The following TRIM2 variants were observed in gnomAD, a reference collection of about 807,000 sequenced individuals.
The protein encoded by TRIM2 is tripartite motif-containing protein 2.
TRIM2 carries 20 observed loss-of-function variants against 75.2 expected under a neutral mutation model. The ratio of observed to expected loss-of-function variants is 0.27; its 90% CI spans 0.19 to 0.39. The LOEUF (loss-of-function observed/expected upper bound fraction) is 0.39. Ranked by LOEUF, TRIM2 falls within the 10% of genes least tolerant of loss-of-function variation. The pLI is 1.00. For missense variants in TRIM2, 660 were observed against 990.8 expected (o/e 0.67, Z 4.48); for synonymous variants, 373 against 388.3 (o/e 0.96, Z 0.46).
intron 1 of TRIM2, among the ~76,000 whole-genome samples, chr4:153,215,824 T>G (rs1738332116): frequency 6.6e-6 from 1 of 152,164 alleles, no homozygotes; most frequent in Non-Finnish European, 1.5e-5. Flanking sequence ...TTTTTCACAC[T>G]GTGGATAGAA....
chr4:153,221,457 T>TG (rs201452427), intron 1 of TRIM2, among the ~76,000 whole-genome samples: 1,777 of 152,184 alleles, frequency 0.012, 38 homozygotes, highest in African/African-American at 0.039. Context: ...ACCAAACAAA[T>TG]GCAGCCTCCT....
intron 1 of TRIM2, among the ~76,000 whole-genome samples, chr4:153,191,138 CA>C (rs1733146240): frequency 6.6e-6 from 1 of 152,324 alleles, no homozygotes; most frequent in African/African-American, 2.4e-5. Flanking sequence ...GGCAGGAATA[CA>C]GATGATTAAA....
At chr4:153,257,226 C>T (rs1281375608) in intron 1 of TRIM2, among the ~76,000 whole-genome samples, 1 of 152,196 alleles carries the variant, frequency 6.6e-6, no homozygotes, top group Non-Finnish European at 1.5e-5. Context: ...GTGAATCCTG[C>T]AGTCACTTTC....
chr4:153,193,272 C>T (rs1439525250), intron 1 of TRIM2, among the ~76,000 whole-genome samples: 1 of 151,530 alleles, frequency 6.6e-6, no homozygotes, highest in Non-Finnish European at 1.5e-5. Flanking sequence ...GCTGGGACTA[C>T]AGGTGCCTGC....
chr4:153,181,100 A>G (rs1732013611), intron 1 of TRIM2, among the ~76,000 whole-genome samples: 1 of 152,180 alleles, frequency 6.6e-6, no homozygotes, highest in African/African-American at 2.4e-5. Context: ...AAAAAGAGAG[A>G]ACTCTCACAG....
intron 1 of TRIM2, among the ~76,000 whole-genome samples, chr4:153,236,148 G>C (rs1235110740): frequency 6.6e-6 from 1 of 152,004 alleles, no homozygotes; most frequent in Non-Finnish European, 1.5e-5. Context: ...TGCCATGATT[G>C]TAAGTTTACT....
chr4:153,287,133 A>G lies in TRIM2; in HGVS notation c.454-5849A>G, dbSNP rs138571744. 5.8e-3 allele frequency among the ~76,000 whole-genome samples: 889 copies of G among 152,112 alleles called. 7 individuals carry two copies. The highest frequency in any genetic ancestry group is 7.6e-3 in the Non-Finnish European group (517 of 67,976). ...GCCAGGACTACAGGCACACGCCACT[A>G]TGCTCAGCTAATTTTTGTATTTTTT... On this transcript the variant is annotated intron_variant, in intron 3 of 11. Transcript: ENST00000338700.
chr4:153,196,301 G>A (rs577876650), intron 1 of TRIM2, among the ~76,000 whole-genome samples: 1 of 151,668 alleles, frequency 6.6e-6, no homozygotes, highest in African/African-American at 2.4e-5. Context: ...ACTGGGTGCA[G>A]TGGTGCATGC....
intron 6 of TRIM2, among the ~76,000 whole-genome samples, chr4:153,302,708 C>T (rs1764169276): frequency 6.6e-6 from 1 of 152,206 alleles, no homozygotes; most frequent in Non-Finnish European, 1.5e-5. Flanking sequence ...CTTGAACTCC[C>T]TCTGTGCTCT....
chr4:153,315,008 C>T (rs1361558754), intron 6 of TRIM2, among the ~76,000 whole-genome samples: 1 of 152,112 alleles, frequency 6.6e-6, no homozygotes, highest in Non-Finnish European at 1.5e-5. Flanking sequence ...CTGAACCATC[C>T]CAAATGCCCC....
chr4:153,194,900 G>A (rs1339574984), intron 1 of TRIM2, among the ~76,000 whole-genome samples: 2 of 152,196 alleles, frequency 1.3e-5, no homozygotes, highest in Non-Finnish European at 2.9e-5. Context: ...TTGCCTGTGT[G>A]AGAAAACCTC....
At chr4:153,297,012 C>G (rs1402231184) in intron 6 of TRIM2, among the ~76,000 whole-genome samples, 6 of 152,118 alleles carry the variant, frequency 3.9e-5, no homozygotes, top group Non-Finnish European at 8.8e-5. Context: ...CTTCTTAAAA[C>G]CTTTAGAATC....
chr4:153,239,832 C>CTTTTTTTTTT (rs142457664), intron 1 of TRIM2, among the ~76,000 whole-genome samples: 23 of 139,436 alleles, frequency 1.6e-4, no homozygotes, highest in African/African-American at 4.3e-4. Flanking sequence ...AACTTTCTTT[C>CTTTTTTTTTT]TCTTTTTTTT....
chr4:153,285,546 G>C (rs1760418090), intron 3 of TRIM2, among the ~76,000 whole-genome samples: 1 of 152,054 alleles, frequency 6.6e-6, no homozygotes, highest in Admixed American at 6.5e-5. Context: ...TGGCCAGCCT[G>C]GTCTTGGGGC....
intron 3 of TRIM2, among the ~76,000 whole-genome samples, chr4:153,283,690 G>A (rs1579321862): frequency 6.8e-6 from 1 of 147,972 alleles, no homozygotes; most frequent in East Asian, 2.0e-4. Flanking sequence ...AGGCTGGAGT[G>A]CAGTGGCGGA....
At chr4:153,285,240 A>G (rs1280804499) in intron 3 of TRIM2, among the ~76,000 whole-genome samples, 1 of 152,222 alleles carries the variant, frequency 6.6e-6, no homozygotes, top group African/African-American at 2.4e-5. Flanking sequence ...GAATCAATTG[A>G]CCATGGATGT....
At chr4:153,298,260 G>T (rs936185961) in intron 6 of TRIM2, among the ~76,000 whole-genome samples, 1 of 152,322 alleles carries the variant, frequency 6.6e-6, no homozygotes, top group Non-Finnish European at 1.5e-5. Context: ...TGCTAAGGCT[G>T]CCATAACAAA....
intron 11 of TRIM2, among the ~76,000 whole-genome samples, chr4:153,334,567 A>C (rs1228525444): frequency 6.6e-6 from 1 of 152,116 alleles, no homozygotes; most frequent in African/African-American, 2.4e-5. Flanking sequence ...TATACTGGGC[A>C]TGGTGGCTCA....
intron 1 of TRIM2, among the ~76,000 whole-genome samples, chr4:153,211,475 G>T (rs1223624144): frequency 2.0e-5 from 3 of 147,190 alleles, no homozygotes; most frequent in Non-Finnish European, 4.5e-5. Flanking sequence ...TTGCTTTTTT[G>T]TTTTTTCTTT....
Sources: gnomAD v4.1 joint callset for allele counts (sites outside exome capture counted in the v4.1 genomes callset) on GRCh38, gnomAD v4.1.1 for gene constraint, MANE v1.5 for transcripts, NCBI Gene and HGNC (gene_info 2026-07-23, HGNC 2026-07-21) for gene names.